Variants in TNRC18 observed in about 807,000 individuals in gnomAD.
TNRC18 encodes the protein trinucleotide repeat-containing gene 18 protein.
In TNRC18, 69 loss-of-function variants were observed where a neutral mutation model predicts 226.7. The observed-to-expected ratio is 0.30, with a 90% CI of 0.25 to 0.37. The LOEUF is 0.37. Ranked by LOEUF, TNRC18 falls within the 10% of genes least tolerant of loss-of-function variation. The pLI is 1.00. For synonymous variants in TNRC18, 2,449 were observed against 1,927.6 expected (o/e 1.27, Z -7.09); for missense variants, 4,754 against 4,256.6 (o/e 1.12, Z -3.25).
intron 1 of TNRC18, among the ~76,000 whole-genome samples, chr7:5,421,894 GGTCCGAAGTGTC>G (rs144011079): frequency 0.011 from 1,609 of 152,314 alleles, 37 homozygotes; most frequent in African/African-American, 0.036. Flanking sequence ...TGCCACAAAC[GGTCCGAAGTGTC>G]TCCCAAAACA....
intron 18 of TNRC18, among the ~76,000 whole-genome samples, chr7:5,334,240 C>T (rs750125373): frequency 1.4e-4 from 21 of 151,936 alleles, no homozygotes; most frequent in Non-Finnish European, 2.9e-4. Context: ...CAGGGGCTGG[C>T]GGGGGCTGCC....
At chr7:5,417,719 C>G (rs1306491873) in intron 2 of TNRC18, among the ~76,000 whole-genome samples, 1 of 152,160 alleles carries the variant, frequency 6.6e-6, no homozygotes, top group Non-Finnish European at 1.5e-5. Context: ...CAAGAGAGCC[C>G]CCTCCCCACC....
At chr7:5,399,718 A>T (rs1008916910) in intron 2 of TNRC18, among the ~76,000 whole-genome samples, 2 of 151,184 alleles carry the variant, frequency 1.3e-5, no homozygotes, top group Admixed American at 6.6e-5. Context: ...AAACAAAAAC[A>T]AAAAAACCTA....
chr7:5,388,289 G>C lies in TNRC18; in HGVS notation c.1535C>G (p.Pro512Arg), dbSNP rs1473246698. 1.9e-6 allele frequency: 3 copies of C among 1,608,550 alleles called. No homozygotes were observed. The highest frequency in any genetic ancestry group is 2.7e-5 in the African/African-American group (2 of 74,670). ...PPTGPEHKWKPFELGNFAATQ... is the reference protein window; with the variant it reads ...PPTGPEHKWKRFELGNFAATQ... ...GGCGGCGAAGTTGCCCAGCTCGAAG[G>C]GTTTCCATTTATGCTCAGGGCCGGT... The change falls in exon 5 of 30, where the codon CCC becomes CGC. Residue 512 changes from proline to arginine, a missense_variant. By Grantham distance (103) the Pro-to-Arg change is moderately radical. Transcript: ENST00000430969.
At chr7:5,397,174 C>T (rs1248335822) in intron 2 of TNRC18, among the ~76,000 whole-genome samples, 1 of 152,110 alleles carries the variant, frequency 6.6e-6, no homozygotes. Flanking sequence ...CCAGTCAGTT[C>T]ATCCATGCGG....
rs368584372 is a variant in TNRC18, at chr7:5,333,004, C to T, written c.5765G>A (p.Arg1922His). The T allele has an allele frequency of 2.2e-4, 351 of 1,576,486 alleles. 1 individual carries two copies. The highest frequency in any genetic ancestry group is 2.7e-4 in the Non-Finnish European group (317 of 1,169,518). ...CAGCAGCCCCGCAGGCGACCGCTTG[C>T]GCACCTTGACCTCGCTCTCTGAGTC... ...YTDSESEVKVRKRSPAGLLRP... is the reference protein window; with the variant it reads ...YTDSESEVKVHKRSPAGLLRP... The change falls in exon 19 of 30, where the codon CGC (arginine) becomes CAC (histidine). Residue 1922 changes from arginine (R) to histidine (H), a missense_variant. Arg to His is a conservative substitution (Grantham distance 29). Transcript: ENST00000430969.
chr7:5,319,925 T>C (rs1177610398), intron 24 of TNRC18, among the ~76,000 whole-genome samples: 3 of 152,192 alleles, frequency 2.0e-5, no homozygotes, highest in Non-Finnish European at 4.4e-5. Flanking sequence ...GGGATGAGAA[T>C]CTGACCCAGG....
rs778774371 is a variant in TNRC18 at position 5,387,829 on chromosome 7, C to A, written c.1995G>T (p.Gly665=). 23 of 1,606,682 alleles carry A rather than the reference C, an allele frequency of 1.4e-5. No homozygotes were observed. Among genetic ancestry groups the A allele is most frequent in the Non-Finnish European group, 1.9e-5 (22 of 1,179,386 alleles). ...CACCCTGGGCACCAGAGCCCTCGCG[C>A]CCGAAAGCTTTGGCGCTCTCGGGCC... ...PERPESAKAF[G]REGSGAQGEA... Residue 665 remains glycine (G), a synonymous_variant, in exon 5 of 30, where the codon GGG becomes GGT. Coordinates refer to ENST00000430969, the MANE Select transcript of TNRC18 (RefSeq NM_001080495.3).
At chr7:5,364,482 CA>C (rs1793415633) in intron 11 of TNRC18, among the ~76,000 whole-genome samples, 1 of 115,500 alleles carries the variant, frequency 8.7e-6, no homozygotes, top group Non-Finnish European at 1.8e-5. Context: ...CACACACACA[CA>C]CACACACACA....
rs757269193 is a variant in TNRC18, at chr7:5,388,888, G to A, written c.936C>T (p.Asp312=). 5.2e-6 allele frequency: 7 copies of A among 1,348,746 alleles called. No homozygotes were observed. The highest frequency in any genetic ancestry group is 2.8e-5 in the South Asian group (2 of 70,796). The allele number at this position is 1,348,746 out of a possible 1,614,324, so 83.5% of individuals were successfully genotyped here. Residue 312 remains aspartate (D), a synonymous_variant, in exon 5 of 30, where the codon GAC becomes GAT. Coordinates refer to ENST00000430969, the MANE Select transcript of TNRC18 (RefSeq NM_001080495.3). The part of the protein sequence containing the change: ...RGGAKEAARQ[D]EGARLLRRTE... The stretch of plus-strand genomic sequence containing the variant: ...TGCGCCGCAGCAGCCGCGCGCCCTC[G>A]TCCTGCCGGGCAGCCTCCTTGGCAC...
intron 14 of TNRC18, among the ~76,000 whole-genome samples, chr7:5,360,465 A>G (rs576396314): frequency 3.3e-5 from 5 of 152,074 alleles, no homozygotes; most frequent in Non-Finnish European, 7.4e-5. Flanking sequence ...CCTGACCTCA[A>G]GTGATCCGCC....
At chr7:5,400,367 T>C (rs1358255902) in intron 2 of TNRC18, among the ~76,000 whole-genome samples, 1 of 151,914 alleles carries the variant, frequency 6.6e-6, no homozygotes, top group Non-Finnish European at 1.5e-5. Context: ...CACAGCACTT[T>C]GGGAGGCAGA....
chr7:5,403,996 C>T (rs138900304), intron 2 of TNRC18, among the ~76,000 whole-genome samples: 21 of 152,302 alleles, frequency 1.4e-4, no homozygotes, highest in African/African-American at 4.8e-4. Context: ...CCATAGATCA[C>T]AAGATCCAGA....
At chr7:5,387,102 C>A (rs1393961738) in intron 5 of TNRC18, among the ~76,000 whole-genome samples, 1 of 152,100 alleles carries the variant, frequency 6.6e-6, no homozygotes, top group African/African-American at 2.4e-5. Context: ...TAAAACAATT[C>A]TAAAGAATCC....
intron 18 of TNRC18, among the ~76,000 whole-genome samples, chr7:5,341,752 G>A (rs1790708848): frequency 9.2e-6 from 1 of 108,346 alleles, no homozygotes; most frequent in Non-Finnish European, 1.7e-5. Context: ...AAAAGAGCGA[G>A]ACTCCGTCTC....
At chr7:5,409,030 A>C (rs1781669386) in intron 2 of TNRC18, among the ~76,000 whole-genome samples, 1 of 152,226 alleles carries the variant, frequency 6.6e-6, no homozygotes, top group Non-Finnish European at 1.5e-5. Context: ...TCAACAGACA[A>C]GAAACCGCTG....
intron 2 of TNRC18, among the ~76,000 whole-genome samples, chr7:5,398,793 T>C (rs1318184895): frequency 6.6e-6 from 1 of 150,932 alleles, no homozygotes; most frequent in Non-Finnish European, 1.5e-5. Flanking sequence ...AATTTTTTTC[T>C]TTCTCTTTTT....
At chr7:5,386,660 G>A (rs1454490901) in intron 5 of TNRC18, among the ~76,000 whole-genome samples, 1 of 151,952 alleles carries the variant, frequency 6.6e-6, no homozygotes, top group Non-Finnish European at 1.5e-5. Flanking sequence ...TAAGGTTGGA[G>A]GATCGCTTGA....
At chr7:5,399,663 GCCA>G (rs1780943482) in intron 2 of TNRC18, among the ~76,000 whole-genome samples, 1 of 151,656 alleles carries the variant, frequency 6.6e-6, no homozygotes, top group Admixed American at 6.6e-5. Context: ...CCAAGATCGC[GCCA>G]CTGCACTCCA....
Sources: gnomAD v4.1 joint callset for allele counts (sites outside exome capture counted in the v4.1 genomes callset) on GRCh38, gnomAD v4.1.1 for gene constraint, MANE v1.5 for transcripts, NCBI Gene and HGNC (gene_info 2026-07-23, HGNC 2026-07-21) for gene names.